PPM1H: variants seen among roughly 807,000 people sequenced by gnomAD.
The protein encoded by PPM1H is protein phosphatase, Mg2+/Mn2+ dependent 1H, also known as protein phosphatase 1H.
In PPM1H, 27 loss-of-function variants were observed where a neutral mutation model predicts 54.9. The ratio of observed to expected loss-of-function variants is 0.49; its 90% CI spans 0.36 to 0.68. The LOEUF (loss-of-function observed/expected upper bound fraction) is 0.68, where lower values mean the gene tolerates loss of function less well. Ranked by LOEUF, PPM1H falls within the 30% of genes least tolerant of loss-of-function variation. The probability of loss-of-function intolerance (pLI) is 0.00; values close to 1 mark genes in which losing one functional copy is unlikely to be tolerated. For synonymous variants in PPM1H, 305 were observed against 270.8 expected (o/e 1.13, Z -1.24); for missense variants, 596 against 667.8 (o/e 0.89, Z 1.19).
intron 2 of PPM1H, among the ~76,000 whole-genome samples, chr12:62,829,935 C>T (rs1019537456): frequency 6.6e-5 from 10 of 152,204 alleles, no homozygotes; most frequent in African/African-American, 2.2e-4. Context: ...AAGTCACTGG[C>T]GCCCCTATTC....
chr12:62,777,786 A>T (rs1453515422), intron 4 of PPM1H, among the ~76,000 whole-genome samples: 1 of 152,228 alleles, frequency 6.6e-6, no homozygotes, highest in Non-Finnish European at 1.5e-5. Flanking sequence ...CAAAGAACAG[A>T]AGTTGTTAAA....
chr12:62,921,880 C>T (rs1370705881), intron 1 of PPM1H, among the ~76,000 whole-genome samples: 1 of 152,174 alleles, frequency 6.6e-6, no homozygotes, highest in Non-Finnish European at 1.5e-5. Flanking sequence ...CACATAAAAC[C>T]TCACTTACGA....
chr12:62,827,529 C>A (rs866748936), intron 2 of PPM1H, among the ~76,000 whole-genome samples: 1 of 152,146 alleles, frequency 6.6e-6, no homozygotes, highest in African/African-American at 2.4e-5. Flanking sequence ...GTCTAAAATA[C>A]TTTGGTAAAA....
chr12:62,887,962 G>T (rs144484663), intron 1 of PPM1H, among the ~76,000 whole-genome samples: 1 of 152,250 alleles, frequency 6.6e-6, no homozygotes, highest in African/African-American at 2.4e-5. Context: ...GGTGGTCAAG[G>T]ACCTAGAAGC....
chr12:62,774,014 C>G (rs1475442701), intron 4 of PPM1H, among the ~76,000 whole-genome samples: 1 of 152,208 alleles, frequency 6.6e-6, no homozygotes, highest in African/African-American at 2.4e-5. Flanking sequence ...AGCTGACCAG[C>G]ATTCCCCCCC....
intron 1 of PPM1H, among the ~76,000 whole-genome samples, chr12:62,846,512 ATTT>A (rs200398982): frequency 2.7e-5 from 4 of 145,748 alleles, no homozygotes; most frequent in African/African-American, 7.5e-5. Context: ...AAAAAAAAAA[ATTT>A]TTTTTTTTTT....
At chr12:62,903,306 G>A (rs1490518339) in intron 1 of PPM1H, among the ~76,000 whole-genome samples, 1 of 152,176 alleles carries the variant, frequency 6.6e-6, no homozygotes, top group Non-Finnish European at 1.5e-5. Context: ...AAGCGTGTCA[G>A]TGGCAAAAAC....
chr12:62,902,507 G>A (rs964464203), intron 1 of PPM1H, among the ~76,000 whole-genome samples: 1 of 152,174 alleles, frequency 6.6e-6, no homozygotes, highest in Admixed American at 6.5e-5. Flanking sequence ...ACAAAGCTCT[G>A]GATCCCAGGA....
At position 62,823,422 on chromosome 12, in the gene PPM1H, C is replaced by A. The variant is rs540327373; in HGVS notation, c.411+8692G>T. Reference sequence around the variant, plus strand: ...GGCCAGCATCATCCTGATACCAAAGCCTGGCAGAGAGAGACACAACAAAAA... The same window carrying A: ...GGCCAGCATCATCCTGATACCAAAGACTGGCAGAGAGAGACACAACAAAAA... On this transcript the variant is annotated intron_variant, in intron 2 of 9. Transcript: ENST00000228705. Among the ~76,000 whole-genome samples the A allele has an allele frequency of 9.2e-5, 14 of 152,238 alleles. No individual in the cohort carries two copies. The East Asian group carries it at 2.7e-3, about 29-fold the overall frequency.
intron 1 of PPM1H, among the ~76,000 whole-genome samples, chr12:62,834,933 G>A (rs572150606): frequency 6.6e-6 from 1 of 152,174 alleles, no homozygotes; most frequent in East Asian, 1.9e-4. Flanking sequence ...CGCCTTCCCT[G>A]GGGAAAGCTC....
At chr12:62,726,383 C>G (rs2076289378) in intron 5 of PPM1H, among the ~76,000 whole-genome samples, 1 of 151,930 alleles carries the variant, frequency 6.6e-6, no homozygotes, top group South Asian at 2.1e-4. Flanking sequence ...AAAAAGTTAT[C>G]TGAGGGTTTT....
chr12:62,706,708 C>T (rs925435329), intron 6 of PPM1H, among the ~76,000 whole-genome samples: 2 of 152,170 alleles, frequency 1.3e-5, no homozygotes, highest in African/African-American at 4.8e-5. Flanking sequence ...CCAACAGTTA[C>T]ACTCTTAACC....
At chr12:62,682,158 C>T (rs1446617746) in intron 8 of PPM1H, among the ~76,000 whole-genome samples, 2 of 152,164 alleles carry the variant, frequency 1.3e-5, no homozygotes, top group East Asian at 1.9e-4. Context: ...ATTTTTCTTC[C>T]TCTTCCAAAT....
At chr12:62,756,406 C>T (rs2076474989) in intron 4 of PPM1H, among the ~76,000 whole-genome samples, 1 of 151,548 alleles carries the variant, frequency 6.6e-6, no homozygotes, top group Non-Finnish European at 1.5e-5. Flanking sequence ...TTGTCGTGTG[C>T]CATTAATAAA....
chr12:62,715,594 C>T (rs1383431221), intron 6 of PPM1H, among the ~76,000 whole-genome samples: 1 of 152,068 alleles, frequency 6.6e-6, no homozygotes, highest in East Asian at 1.9e-4. Context: ...AAAAAGGATC[C>T]CCATTAAGAG....
At position 62,737,531 on chromosome 12, in the gene PPM1H, C is replaced by A. The variant is rs199521003; in HGVS notation, c.925G>T (p.Glu309Ter). Reference sequence around the variant, plus strand: ...TACTGAAGTCGCTGGCGCTCCGTCTCGGGGGTAAATTCTGAAGACATGGGG... The same window carrying A: ...TACTGAAGTCGCTGGCGCTCCGTCTAGGGGGTAAATTCTGAAGACATGGGG... ...IIPMSSEFTP[E>*]TERQRLQYLA... The change falls in exon 5 of 10, where the codon GAG (glutamate) becomes TAG (stop). Residue 309 changes from glutamate (E) to a stop codon, truncating the protein, a stop_gained. Coordinates refer to ENST00000228705, the MANE Select transcript of PPM1H (RefSeq NM_020700.2). LOFTEE classifies it high-confidence loss of function. 6 of 1,586,826 alleles carry A rather than the reference C, an allele frequency of 3.8e-6. No individual in the cohort carries two copies. Among genetic ancestry groups the A allele is most frequent in the Non-Finnish European group, 5.1e-6 (6 of 1,165,646 alleles).
At chr12:62,858,466 T>G (rs1869476913) in intron 1 of PPM1H, among the ~76,000 whole-genome samples, 1 of 125,662 alleles carries the variant, frequency 8.0e-6, no homozygotes, top group African/African-American at 3.2e-5. Context: ...GTTGTTGTTG[T>G]TTTTTTCATA....
At chr12:62,701,575 C>A (rs943904207) in intron 6 of PPM1H, among the ~76,000 whole-genome samples, 5 of 152,216 alleles carry the variant, frequency 3.3e-5, no homozygotes, top group Non-Finnish European at 5.9e-5. Flanking sequence ...TTCCCGTCAT[C>A]TTAAAATACA....
intron 2 of PPM1H, among the ~76,000 whole-genome samples, chr12:62,814,775 T>C (rs2076855798): frequency 6.6e-6 from 1 of 152,224 alleles, no homozygotes; most frequent in Non-Finnish European, 1.5e-5. Flanking sequence ...ATGTCCTGTA[T>C]GAGCACAGAA....
Sources: allele counts gnomAD v4.1 joint callset (sites outside exome capture counted in the v4.1 genomes callset), GRCh38; gene constraint gnomAD v4.1.1; transcripts MANE v1.5; gene names NCBI Gene and HGNC (gene_info 2026-07-23, HGNC 2026-07-21).